Variants in ABCC4 observed in about 807,000 individuals in gnomAD.
ABCC4 encodes the protein ATP-binding cassette sub-family C member 4.
In ABCC4, 102 loss-of-function variants were observed where a neutral mutation model predicts 168.5. That is an observed-to-expected ratio of 0.61 (90% CI 0.52 to 0.71). The LOEUF (loss-of-function observed/expected upper bound fraction) is 0.71, where lower values mean the gene tolerates loss of function less well. Ranked by LOEUF, ABCC4 falls within the 30% of genes least tolerant of loss-of-function variation. The probability of loss-of-function intolerance (pLI) is 0.00; values close to 1 mark genes in which losing one functional copy is unlikely to be tolerated. For synonymous variants in ABCC4, 617 were observed against 590.7 expected (o/e 1.04, Z -0.65); for missense variants, 1,402 against 1,605.8 (o/e 0.87, Z 2.17).
At position 95,183,472 on chromosome 13, in the gene ABCC4, C is replaced by T. The variant is rs116892514; in HGVS notation, c.1545+3229G>A. On this transcript the variant is annotated intron_variant, in intron 11 of 30. Transcript: ENST00000645237. Reference sequence around the variant, plus strand: ...GATCTCATAACTCATTAAGAGGATCCCTGGTTTCTTCCAGTCCCCTGCTAA... The same window carrying T: ...GATCTCATAACTCATTAAGAGGATCTCTGGTTTCTTCCAGTCCCCTGCTAA... Among the ~76,000 whole-genome samples the T allele has an allele frequency of 2.0e-5, 3 of 152,196 alleles. No homozygotes were observed. In the East Asian group the frequency reaches 5.8e-4, roughly 29 times the overall value.
At chr13:95,189,097 CCATGTGTT>C (rs1436164668) in intron 9 of ABCC4, among the ~76,000 whole-genome samples, 1 of 144,582 alleles carries the variant, frequency 6.9e-6, no homozygotes, top group African/African-American at 2.6e-5. Flanking sequence ...CTCCCTGTGT[CCATGTGTT>C]CTCATTTAAA....
At chr13:95,230,508 G>T (rs908385022) in intron 4 of ABCC4, among the ~76,000 whole-genome samples, 6 of 152,220 alleles carry the variant, frequency 3.9e-5, no homozygotes, top group African/African-American at 1.4e-4. Context: ...CGGGTACAGT[G>T]GCTCACGCCT....
intron 1 of ABCC4, among the ~76,000 whole-genome samples, chr13:95,274,498 C>G (rs1316059997): frequency 6.6e-6 from 1 of 152,178 alleles, no homozygotes; most frequent in Non-Finnish European, 1.5e-5. Flanking sequence ...ATGCCTGTAG[C>G]TTACAGCCTG....
At chr13:95,269,683 T>G (rs2040792545) in intron 1 of ABCC4, among the ~76,000 whole-genome samples, 1 of 152,102 alleles carries the variant, frequency 6.6e-6, no homozygotes, top group African/African-American at 2.4e-5. Flanking sequence ...TGTATCTGCT[T>G]TATAACATAA....
chr13:95,212,715 A>ATC (rs1424690797), intron 4 of ABCC4, among the ~76,000 whole-genome samples: 2 of 151,264 alleles, frequency 1.3e-5, no homozygotes, highest in Non-Finnish European at 2.9e-5. Context: ...TTGTAATAGA[A>ATC]GTTAACCCAA....
intron 19 of ABCC4, among the ~76,000 whole-genome samples, chr13:95,155,314 G>A (rs993980568): frequency 8.6e-5 from 13 of 151,512 alleles, no homozygotes; most frequent in African/African-American, 2.4e-4. Flanking sequence ...TCAGCCTCCC[G>A]AGCTGCTGGG....
chr13:95,043,816 C>A (rs545343059), intron 28 of ABCC4, 29 bp from the exon 29 acceptor site: 1 of 1,528,438 alleles, frequency 6.5e-7, no homozygotes, highest in East Asian at 2.3e-5. Flanking sequence ...AGTTTAATTT[C>A]GTAAAGATGC....
intron 1 of ABCC4, among the ~76,000 whole-genome samples, chr13:95,286,529 T>TC (rs10690967): frequency 3.3e-5 from 5 of 151,926 alleles, no homozygotes; most frequent in African/African-American, 1.2e-4. Context: ...TTGTGGCCTT[T>TC]GTTTTTTTAA....
At chr13:95,142,542 A>G (rs568900536) in intron 19 of ABCC4, among the ~76,000 whole-genome samples, 2 of 152,274 alleles carry the variant, frequency 1.3e-5, no homozygotes, top group East Asian at 1.9e-4. Context: ...GAACTTACTC[A>G]TGTAACCAAA....
chr13:95,051,479 C>T (rs1202382662), intron 27 of ABCC4, among the ~76,000 whole-genome samples: 2 of 152,108 alleles, frequency 1.3e-5, no homozygotes, highest in Admixed American at 1.3e-4. Context: ...CAAGATCCTC[C>T]CACCTCAACT....
chr13:95,127,547 G>A (rs926293393), intron 19 of ABCC4, among the ~76,000 whole-genome samples: 1 of 152,106 alleles, frequency 6.6e-6, no homozygotes, highest in African/African-American at 2.4e-5. Flanking sequence ...CAAAGTGCTG[G>A]GATTACAGGT....
intron 19 of ABCC4, among the ~76,000 whole-genome samples, chr13:95,138,254 T>C (rs2036202339): frequency 6.6e-6 from 1 of 152,196 alleles, no homozygotes; most frequent in Non-Finnish European, 1.5e-5. Flanking sequence ...CCAGGAAATA[T>C]ACTAATTTGC....
At chr13:95,206,390 A>T (rs1188617754) in intron 8 of ABCC4, 142 bp downstream of exon 8, 3 of 1,112,660 alleles carry the variant, frequency 2.7e-6, no homozygotes, top group Non-Finnish European at 3.9e-6. Context: ...AGGGAAGTAC[A>T]CACAACATTC....
At chr13:95,127,152 C>T (rs533919551) in intron 19 of ABCC4, among the ~76,000 whole-genome samples, 27 of 152,160 alleles carry the variant, frequency 1.8e-4, no homozygotes, top group South Asian at 1.0e-3. Flanking sequence ...CCATGGCGTT[C>T]ACCAGTCATT....
chr13:95,101,065 G>A (rs1387456823), intron 20 of ABCC4, among the ~76,000 whole-genome samples: 1 of 152,216 alleles, frequency 6.6e-6, no homozygotes, highest in Non-Finnish European at 1.5e-5. Context: ...GGATGGCTTT[G>A]TTCTCCACAT....
At chr13:95,250,968 G>C (rs938052167) in intron 1 of ABCC4, among the ~76,000 whole-genome samples, 3 of 151,620 alleles carry the variant, frequency 2.0e-5, no homozygotes, top group African/African-American at 7.3e-5. Context: ...TTTTATTTTT[G>C]ATAGAGACCA....
intron 24 of ABCC4, among the ~76,000 whole-genome samples, chr13:95,072,896 C>T (rs1292829919): frequency 1.3e-5 from 2 of 152,196 alleles, no homozygotes; most frequent in Non-Finnish European, 2.9e-5. Flanking sequence ...CAAAATTAAA[C>T]AGGCTTCTAA....
At chr13:95,257,561 G>A (rs2138839517) in intron 1 of ABCC4, among the ~76,000 whole-genome samples, 1 of 152,138 alleles carries the variant, frequency 6.6e-6, no homozygotes, top group South Asian at 2.1e-4. Flanking sequence ...TACTCAGGAG[G>A]CTGAGACAGG....
intron 1 of ABCC4, among the ~76,000 whole-genome samples, chr13:95,297,054 T>C (rs1023981503): frequency 1.3e-5 from 2 of 151,844 alleles, no homozygotes; most frequent in East Asian, 3.9e-4. Context: ...GTGTATCACC[T>C]GAGGTCAGGA....
Sources: gnomAD v4.1 joint callset for allele counts (sites outside exome capture counted in the v4.1 genomes callset) on GRCh38, gnomAD v4.1.1 for gene constraint, MANE v1.5 for transcripts, NCBI Gene and HGNC (gene_info 2026-07-23, HGNC 2026-07-21) for gene names.